The following SHISA9 variants were observed in gnomAD, a reference collection of about 807,000 sequenced individuals.
The protein encoded by SHISA9 is protein shisa-9.
SHISA9 carries 13 observed loss-of-function variants against 38.0 expected under a neutral mutation model. The observed-to-expected ratio is 0.34, with a 90% CI of 0.22 to 0.54. SHISA9 has a LOEUF of 0.54. Ranked by LOEUF, SHISA9 falls within the 20% of genes least tolerant of loss-of-function variation. The probability of loss-of-function intolerance (pLI) is 0.91; values close to 1 mark genes in which losing one functional copy is unlikely to be tolerated. For missense variants in SHISA9, 538 were observed against 575.8 expected, an observed-to-expected ratio of 0.93 and a Z score of 0.67; for synonymous variants, 275 against 242.0, an observed-to-expected ratio of 1.14 and a Z score of -1.27.
At chr16:12,930,694 C>G (rs2071450863) in intron 2 of SHISA9, among the ~76,000 whole-genome samples, 1 of 152,062 alleles carries the variant, frequency 6.6e-6, no homozygotes, top group African/African-American at 2.4e-5. Context: ...ACTGGTGATG[C>G]AAAGTAACCT....
chr16:13,501,627 G>A, the SHISA9 span, among the ~76,000 whole-genome samples: 1 of 152,166 alleles, frequency 6.6e-6, no homozygotes, highest in Non-Finnish European at 1.5e-5. Flanking sequence ...CTTCATTAGG[G>A]ACAGAACCAC....
intron 3 of SHISA9, among the ~76,000 whole-genome samples, chr16:13,207,731 T>C (rs1167498215): frequency 6.6e-6 from 1 of 152,220 alleles, no homozygotes; most frequent in Non-Finnish European, 1.5e-5. Context: ...ATCCAGCATC[T>C]GCCTGCACAT....
the SHISA9 span, among the ~76,000 whole-genome samples, chr16:13,266,111 C>T: frequency 3.9e-5 from 6 of 152,140 alleles, no homozygotes; most frequent in Non-Finnish European, 8.8e-5. Flanking sequence ...AAAGCAATTG[C>T]ATGCACATAG....
intron 4 of SHISA9, among the ~76,000 whole-genome samples, chr16:13,226,679 T>TG (rs1164321164): frequency 1.3e-5 from 2 of 152,220 alleles, no homozygotes; most frequent in East Asian, 3.8e-4. Context: ...TGGGCTGGAT[T>TG]GGCTCCTCTC....
chr16:13,375,843 C>G, the SHISA9 span, among the ~76,000 whole-genome samples: 1 of 152,124 alleles, frequency 6.6e-6, no homozygotes. Context: ...GCAACACTCT[C>G]CAAATAGATC....
chr16:13,335,004 T>C, the SHISA9 span, among the ~76,000 whole-genome samples: 2 of 152,204 alleles, frequency 1.3e-5, no homozygotes, highest in African/African-American at 4.8e-5. Flanking sequence ...TTGGTTCTGG[T>C]AACTTTTCAT....
the SHISA9 span, among the ~76,000 whole-genome samples, chr16:13,558,791 G>T: frequency 6.6e-6 from 1 of 152,168 alleles, no homozygotes; most frequent in Non-Finnish European, 1.5e-5. Flanking sequence ...AAAGATATTT[G>T]TTTATCGTAT....
downstream of SHISA9, among the ~76,000 whole-genome samples, chr16:13,243,874 G>A (rs1479107333): frequency 7.0e-6 from 1 of 142,534 alleles, no homozygotes; most frequent in Non-Finnish European, 1.5e-5. Flanking sequence ...CCAGGTTCAT[G>A]TGATTCTCCT....
chr16:13,348,691 T>C, the SHISA9 span, among the ~76,000 whole-genome samples: 1 of 151,898 alleles, frequency 6.6e-6, no homozygotes, highest in Non-Finnish European at 1.5e-5. Flanking sequence ...CCTGTTTGAA[T>C]CATTGTGATC....
chr16:12,958,644 T>C (rs551912370), intron 2 of SHISA9, among the ~76,000 whole-genome samples: 135 of 152,346 alleles, frequency 8.9e-4, no homozygotes, highest in African/African-American at 3.2e-3. Flanking sequence ...GTCTTATATT[T>C]GCAATAGGCT....
chr16:13,321,851 CACTT>C, the SHISA9 span, among the ~76,000 whole-genome samples: 22 of 152,124 alleles, frequency 1.4e-4, no homozygotes, highest in Non-Finnish European at 8.8e-5. Context: ...TTTGAACAAA[CACTT>C]AGCCTTTTGG....
intron 2 of SHISA9, among the ~76,000 whole-genome samples, chr16:13,202,071 C>A (rs1429503835): frequency 8.9e-6 from 1 of 112,958 alleles, no homozygotes; most frequent in East Asian, 2.3e-4. Flanking sequence ...GAGGCGAGAC[C>A]CATTCCCATT....
chr16:13,436,956 G>C, the SHISA9 span, among the ~76,000 whole-genome samples: 21 of 152,202 alleles, frequency 1.4e-4, no homozygotes, highest in Non-Finnish European at 2.4e-4. Context: ...AATGGGGGCA[G>C]GCAAGAGAGC....
the SHISA9 span, among the ~76,000 whole-genome samples, chr16:13,496,529 A>G: frequency 2.0e-5 from 3 of 152,120 alleles, no homozygotes; most frequent in Admixed American, 2.0e-4. Context: ...ACTATTATTT[A>G]TTACCATTAT....
Position 13,002,769 on chromosome 16 carries a change from G to A in SHISA9, c.691+85954G>A, listed in dbSNP as rs193295864. Among the ~76,000 whole-genome samples the A allele has an allele frequency of 6.6e-5, 10 of 152,164 alleles. No homozygotes were observed. In the East Asian group the frequency reaches 1.9e-3, roughly 29 times the overall value. On this transcript the variant is annotated intron_variant, in intron 2 of 4. Transcript: ENST00000558583. ...GCTGGTCTGGAACTCCCGACCTCAG[G>A]TGATCTGCCTGCCTCGCCCTCCCAA...
At chr16:13,077,879 A>G (rs2073601799) in intron 2 of SHISA9, among the ~76,000 whole-genome samples, 1 of 152,208 alleles carries the variant, frequency 6.6e-6, no homozygotes, top group African/African-American at 2.4e-5. Flanking sequence ...ACAACCATAT[A>G]CACATTTCTT....
At chr16:13,360,678 G>C in the SHISA9 span, among the ~76,000 whole-genome samples, 1 of 152,140 alleles carries the variant, frequency 6.6e-6, no homozygotes, top group Admixed American at 6.6e-5. Context: ...TGTGAGAACA[G>C]ACTAATACAG....
intron 2 of SHISA9, among the ~76,000 whole-genome samples, chr16:13,070,602 T>C (rs930452928): frequency 3.3e-5 from 5 of 152,276 alleles, no homozygotes; most frequent in African/African-American, 4.8e-5. Context: ...CAGGAACAAA[T>C]TTCCAAAAAG....
the SHISA9 span, among the ~76,000 whole-genome samples, chr16:13,426,507 G>A: frequency 6.6e-6 from 1 of 152,180 alleles, no homozygotes; most frequent in Non-Finnish European, 1.5e-5. Context: ...CAGGGTGATG[G>A]AAGTTTATGG....
Sources: allele counts gnomAD v4.1 joint callset (sites outside exome capture counted in the v4.1 genomes callset), GRCh38; gene constraint gnomAD v4.1.1; transcripts MANE v1.5; gene names NCBI Gene and HGNC (gene_info 2026-07-23, HGNC 2026-07-21).